Variants in MAN1A1 observed in about 807,000 individuals in gnomAD.
The protein encoded by MAN1A1 is mannosyl-oligosaccharide 1,2-alpha-mannosidase IA.
A neutral mutation model predicts 70.8 loss-of-function variants in MAN1A1; 29 were observed. The ratio of observed to expected loss-of-function variants is 0.41; its 90% CI spans 0.31 to 0.56. MAN1A1 has a LOEUF of 0.56. Among genes scored for constraint, MAN1A1 ranks in the 20% least tolerant of loss-of-function variants. The probability of loss-of-function intolerance (pLI) is 0.29; values close to 1 mark genes in which losing one functional copy is unlikely to be tolerated. For synonymous variants in MAN1A1, 349 were observed against 330.1 expected (o/e 1.06, Z -0.62); for missense variants, 747 against 841.3 (o/e 0.89, Z 1.39).
At chr6:119,269,492 CA>C in intron 5 of MAN1A1, 1 of 177,950 alleles carries the variant, frequency 5.6e-6, no homozygotes, top group Non-Finnish European at 1.2e-5. Flanking sequence ...AGCGGTCTGC[CA>C]AAAGATGCAG....
At chr6:119,330,790 C>T (rs553132399) in intron 2 of MAN1A1, among the ~76,000 whole-genome samples, 8 of 152,250 alleles carry the variant, frequency 5.3e-5, no homozygotes, top group South Asian at 2.1e-4. Flanking sequence ...TGCCTGCAAC[C>T]GGCTAATTCC....
rs386359347 is a variant in MAN1A1 at position 119,321,617 on chromosome 6, A to ATTTT, written c.604-14629_604-14626dup. On this transcript the variant is annotated intron_variant, in intron 2 of 12. Coordinates refer to ENST00000368468, the MANE Select transcript of MAN1A1 (RefSeq NM_005907.4). ...TAGTGGATTGACTACATGGCCTGCAATTTTTTTTTTTTTTTTTTGAGACAG... is the reference window on the plus strand; with the variant it reads ...TAGTGGATTGACTACATGGCCTGCAATTTTTTTTTTTTTTTTTTTTTTGAGACAG... 1.1e-4 allele frequency among the ~76,000 whole-genome samples: 15 copies of ATTTT among 133,300 alleles called. 1 individual carries two copies. The highest frequency in any genetic ancestry group is 1.6e-4 in the Admixed American group (2 of 12,868). 87.4% of individuals were successfully genotyped at this position (133,300 alleles called of 152,430 possible).
At chr6:119,326,951 A>G (rs1356790010) in intron 2 of MAN1A1, among the ~76,000 whole-genome samples, 1 of 152,158 alleles carries the variant, frequency 6.6e-6, no homozygotes, top group Non-Finnish European at 1.5e-5. Flanking sequence ...GACTTCACAC[A>G]CTGTACACAT....
chr6:119,315,848 T>C (rs1772835982), intron 2 of MAN1A1, among the ~76,000 whole-genome samples: 1 of 152,234 alleles, frequency 6.6e-6, no homozygotes. Context: ...ATCTGTCTTG[T>C]GGTTGATGAC....
chr6:119,275,262 C>CACCA (rs780973476), intron 5 of MAN1A1, among the ~76,000 whole-genome samples: 1 of 125,212 alleles, frequency 8.0e-6, no homozygotes, highest in Non-Finnish European at 1.7e-5. Context: ...AGGCATGCAC[C>CACCA]ACCATACCCA....
chr6:119,200,411 C>A (rs1280052998), intron 8 of MAN1A1, among the ~76,000 whole-genome samples: 1 of 151,990 alleles, frequency 6.6e-6, no homozygotes, highest in Admixed American at 6.6e-5. Flanking sequence ...TGGATTTTGG[C>A]ATATACTTTC....
intron 6 of MAN1A1, among the ~76,000 whole-genome samples, chr6:119,226,062 T>C (rs1208970616): frequency 6.6e-6 from 1 of 152,224 alleles, no homozygotes; most frequent in Non-Finnish European, 1.5e-5. Flanking sequence ...AAAAGATCTC[T>C]ACCATTTTAA....
chr6:119,190,030 T>G, intron 9 of MAN1A1, 147 bp from the exon 10 acceptor site: 1 of 649,934 alleles, frequency 1.5e-6, no homozygotes. Context: ...AATTACATGC[T>G]ATTGCTTTCT....
At chr6:119,340,096 CA>C (rs1582817498) in intron 2 of MAN1A1, among the ~76,000 whole-genome samples, 2 of 152,054 alleles carry the variant, frequency 1.3e-5, no homozygotes, top group East Asian at 3.8e-4. Flanking sequence ...ATCTCAAAAA[CA>C]AAAACAAAAC....
chr6:119,294,201 T>C (rs1014444569), intron 4 of MAN1A1, among the ~76,000 whole-genome samples: 1 of 152,150 alleles, frequency 6.6e-6, no homozygotes, highest in African/African-American at 2.4e-5. Context: ...ATATATTTTG[T>C]ATGAAATCTG....
chr6:119,303,042 A>T (rs1232479260), intron 3 of MAN1A1, among the ~76,000 whole-genome samples: 1 of 152,044 alleles, frequency 6.6e-6, no homozygotes, highest in East Asian at 1.9e-4. Flanking sequence ...CTTTTGAGAC[A>T]GGGTCTTGCT....
rs1275222307 is a variant in MAN1A1, at chr6:119,188,441, A to T, written c.1683T>A (p.Asp561Glu). Residue 561 changes from aspartate to glutamate, a missense_variant, in exon 11 of 13, where the codon GAT (aspartate) becomes GAA (glutamate). Around this residue, in one of 2 missense-constraint regions of MAN1A1, gnomAD observed 419 missense variants for 548.2 expected, o/e 0.76. Coordinates refer to ENST00000368468, the MANE Select transcript of MAN1A1 (RefSeq NM_005907.4). ...CCCAGGCCCATTTCCTGTACTTTGG[A>T]TCATGAGTCAGTCTCCACATATACA... is the stretch of plus-strand genomic sequence containing the variant. ...TYMYMWRLTHDPKYRKWAWEA... is the reference protein window; with the variant it reads ...TYMYMWRLTHEPKYRKWAWEA... 16 of 1,612,828 alleles carry T rather than the reference A, an allele frequency of 9.9e-6. No individual in the cohort carries two copies. Among genetic ancestry groups the T allele is most frequent in the Non-Finnish European group, 1.4e-5 (16 of 1,179,544 alleles).
At chr6:119,194,480 C>T (rs75324617) in intron 8 of MAN1A1, among the ~76,000 whole-genome samples, 5,808 of 152,196 alleles carry the variant, frequency 0.038, 148 homozygotes, top group Non-Finnish European at 0.06. Flanking sequence ...CGCATCACCA[C>T]GCCAGGCTCA....
chr6:119,316,318 C>T (rs146388669), intron 2 of MAN1A1, among the ~76,000 whole-genome samples: 1 of 151,928 alleles, frequency 6.6e-6, no homozygotes, highest in Non-Finnish European at 1.5e-5. Flanking sequence ...GCTGGAATTA[C>T]AGGTGCCTGG....
chr6:119,254,210 A>C (rs1220822568), intron 5 of MAN1A1, among the ~76,000 whole-genome samples: 1 of 152,224 alleles, frequency 6.6e-6, no homozygotes, highest in Non-Finnish European at 1.5e-5. Context: ...AATTTTTACA[A>C]AAAGTACACT....
At chr6:119,244,567 T>C (rs1775113850) in intron 6 of MAN1A1, among the ~76,000 whole-genome samples, 1 of 152,116 alleles carries the variant, frequency 6.6e-6, no homozygotes, top group African/African-American at 2.4e-5. Context: ...TGAACCGCTT[T>C]TGGGATAGAG....
chr6:119,295,176 G>C (rs910631007), intron 4 of MAN1A1, among the ~76,000 whole-genome samples: 1 of 152,080 alleles, frequency 6.6e-6, no homozygotes, highest in African/African-American at 2.4e-5. Flanking sequence ...CTAGGCAACA[G>C]AGAAAATGAA....
intron 4 of MAN1A1, among the ~76,000 whole-genome samples, chr6:119,296,323 A>T (rs1349518859): frequency 6.6e-6 from 1 of 152,184 alleles, no homozygotes; most frequent in East Asian, 1.9e-4. Flanking sequence ...CAGCAGTCCT[A>T]ATTACCATCA....
At chr6:119,346,659 C>T (rs1160423011) in intron 2 of MAN1A1, among the ~76,000 whole-genome samples, 1 of 152,214 alleles carries the variant, frequency 6.6e-6, no homozygotes, top group African/African-American at 2.4e-5. Context: ...TCTGAGACTG[C>T]TACTGCCCCA....
Sources: gnomAD v4.1 joint callset for allele counts (sites outside exome capture counted in the v4.1 genomes callset) on GRCh38, gnomAD v4.1.1 for gene constraint, gnomAD v4.1.1 regional missense constraint, MANE v1.5 for transcripts, NCBI Gene and HGNC (gene_info 2026-07-23, HGNC 2026-07-21) for gene names.